SNX13: variants seen among roughly 807,000 people sequenced by gnomAD.
SNX13 encodes sorting nexin-13.
Under a neutral mutation model 133.6 loss-of-function variants are expected in SNX13, and 45 were observed. The ratio of observed to expected loss-of-function variants is 0.34; its 90% CI spans 0.27 to 0.43. The LOEUF (loss-of-function observed/expected upper bound fraction) is 0.43, where lower values mean the gene tolerates loss of function less well. Among genes scored for constraint, SNX13 ranks in the 20% least tolerant of loss-of-function variants. The probability of loss-of-function intolerance (pLI) is 1.00; values close to 1 mark genes in which losing one functional copy is unlikely to be tolerated. For synonymous variants in SNX13, 414 were observed against 373.9 expected (o/e 1.11, Z -1.24); for missense variants, 1,032 against 1,145.1 (o/e 0.90, Z 1.43).
intron 19 of SNX13, 145 bp from the exon 20 acceptor site, chr7:17,815,089 G>T: frequency 1.1e-6 from 1 of 873,254 alleles, no homozygotes; most frequent in African/African-American, 1.8e-5. Context: ...CAATTATACA[G>T]TTAGGATAAA....
At chr7:17,865,709 G>A (rs145540864) in intron 9 of SNX13, among the ~76,000 whole-genome samples, 1,635 of 152,236 alleles carry the variant, frequency 0.011, 14 homozygotes, top group Non-Finnish European at 0.018. Context: ...GAACAAAGCT[G>A]AAGACATCAC....
At chr7:17,935,886 G>T (rs1007907347) in intron 1 of SNX13, among the ~76,000 whole-genome samples, 2 of 152,126 alleles carry the variant, frequency 1.3e-5, no homozygotes, top group Admixed American at 1.3e-4. Flanking sequence ...AGATTAATGT[G>T]CCCCAAGAGT....
At chr7:17,868,518 A>C in intron 8 of SNX13, 28 bp from the exon 9 acceptor site, 1 of 1,504,054 alleles carries the variant, frequency 6.6e-7, no homozygotes, top group Non-Finnish European at 9.1e-7. Flanking sequence ...AACAAAAACA[A>C]ATTTAATCTA....
chr7:17,917,531 C>T (rs562859246), intron 1 of SNX13, among the ~76,000 whole-genome samples: 1 of 152,008 alleles, frequency 6.6e-6, no homozygotes, highest in South Asian at 2.1e-4. Context: ...AAATCAAGAA[C>T]ACAATCCCAT....
chr7:17,838,968 A>G (rs1479106847), intron 13 of SNX13, among the ~76,000 whole-genome samples: 2 of 150,448 alleles, frequency 1.3e-5, no homozygotes, highest in East Asian at 3.9e-4. Context: ...GTATTACATT[A>G]CCTATTATAT....
chr7:17,865,438 T>C (rs1327605006), intron 9 of SNX13, among the ~76,000 whole-genome samples: 2 of 151,986 alleles, frequency 1.3e-5, no homozygotes, highest in Admixed American at 6.6e-5. Context: ...GTAAAAGATG[T>C]CTACAAGGAA....
chr7:17,805,255 G>GCGCGCGCGCGCA (rs1554304360), intron 20 of SNX13, among the ~76,000 whole-genome samples: 23 of 86,816 alleles, frequency 2.6e-4, no homozygotes, highest in South Asian at 8.8e-4. Context: ...GTGTGTGCGT[G>GCGCGCGCGCGCA]CGCGCGCGCG....
At position 17,794,306 on chromosome 7, in the gene SNX13, A is replaced by G. The variant is rs1783825277; in HGVS notation, c.2627-14T>C. ...GCTTCAGCTCATCTAAATGAAGTGG[A>G]GGAAAACACACATAATTATTCAAAG... On this transcript the variant is annotated splice_polypyrimidine_tract_variant and intron_variant, in intron 25 of 25. Coordinates refer to ENST00000428135, the MANE Select transcript of SNX13 (RefSeq NM_015132.5). 6.2e-7 allele frequency: 1 copy of G among 1,600,482 alleles called. No homozygotes were observed. The highest frequency in any genetic ancestry group is 2.2e-5 in the East Asian group (1 of 44,682).
At chr7:17,823,629 C>T (rs1787551525) in intron 17 of SNX13, among the ~76,000 whole-genome samples, 1 of 152,198 alleles carries the variant, frequency 6.6e-6, no homozygotes, top group African/African-American at 2.4e-5. Context: ...AGACTTTGGA[C>T]ATCTTGCTCT....
chr7:17,815,086 A>T, intron 19 of SNX13, 142 bp from the exon 20 acceptor site: 2 of 887,236 alleles, frequency 2.3e-6, no homozygotes, highest in Non-Finnish European at 3.1e-6. Flanking sequence ...ACCCAATTAT[A>T]CAGTTAGGAT....
In SNX13 at chr7:17,822,253, AGGT is replaced by A. The variant is rs1469625241; in HGVS notation, c.1706-608_1706-606del. On this transcript the variant is annotated intron_variant, in intron 17 of 25. Transcript: ENST00000428135. ...TACTTTGCCACATACCAAGCAAGTC[AGGT>A]AATCTCTAAAATCAAAGCCTGTTCC... is the stretch of plus-strand genomic sequence containing the variant. Among the ~76,000 whole-genome samples the A allele has an allele frequency of 2.6e-5, 4 of 152,118 alleles. No homozygotes were observed. The East Asian group carries it at 7.7e-4, about 29-fold the overall frequency.
intron 5 of SNX13, among the ~76,000 whole-genome samples, chr7:17,886,910 T>C (rs984691906): frequency 3.3e-5 from 5 of 151,922 alleles, no homozygotes; most frequent in African/African-American, 4.8e-5. Context: ...ACAGAAATGA[T>C]TGTTTTATTT....
chr7:17,912,485 C>G (rs1342555188), intron 1 of SNX13, among the ~76,000 whole-genome samples: 1 of 151,994 alleles, frequency 6.6e-6, no homozygotes, highest in Non-Finnish European at 1.5e-5. Context: ...TCTTGACTCA[C>G]TGCAACCTCC....
intron 15 of SNX13, 61 bp downstream of exon 15, chr7:17,833,991 T>C (rs1788827744): frequency 8.0e-7 from 1 of 1,245,192 alleles, no homozygotes; most frequent in Non-Finnish European, 1.0e-6. Flanking sequence ...AAAGCTCTTT[T>C]GGTAAGCAGA....
chr7:17,844,741 A>C (rs534674026), intron 12 of SNX13, among the ~76,000 whole-genome samples: 17 of 148,828 alleles, frequency 1.1e-4, no homozygotes, highest in Non-Finnish European at 2.1e-4. Context: ...AGATGGTTGA[A>C]CATACAAAAA....
intron 8 of SNX13, among the ~76,000 whole-genome samples, chr7:17,871,136 G>C (rs1794063649): frequency 6.6e-6 from 1 of 151,986 alleles, no homozygotes; most frequent in South Asian, 2.1e-4. Context: ...CTCCCGAGTA[G>C]CTGGGATGAC....
At chr7:17,840,082 G>T in intron 12 of SNX13, 82 bp from the exon 13 acceptor site, 1 of 1,168,998 alleles carries the variant, frequency 8.6e-7, no homozygotes, top group Non-Finnish European at 1.2e-6. Context: ...AAGTAAAGAA[G>T]GATTAAAGTT....
At chr7:17,831,049 C>T in intron 15 of SNX13, 5 of 984,200 alleles carry the variant, frequency 5.1e-6, no homozygotes, top group Non-Finnish European at 6.0e-6. Context: ...TATCTATCCT[C>T]CTTATTCAAT....
At chr7:17,854,767 C>T (rs1791683284) in intron 9 of SNX13, among the ~76,000 whole-genome samples, 1 of 152,164 alleles carries the variant, frequency 6.6e-6, no homozygotes, top group African/African-American at 2.4e-5. Flanking sequence ...TCTAGTAGGG[C>T]CTCTCTATTA....
Sources: gnomAD v4.1 joint callset for allele counts (sites outside exome capture counted in the v4.1 genomes callset) on GRCh38, gnomAD v4.1.1 for gene constraint, MANE v1.5 for transcripts, NCBI Gene and HGNC (gene_info 2026-07-23, HGNC 2026-07-21) for gene names.